Variants in PACS1 observed in about 807,000 individuals in gnomAD.
The protein encoded by PACS1 is phosphofurin acidic cluster sorting protein 1.
Under a neutral mutation model 115.0 loss-of-function variants are expected in PACS1, and 24 were observed. That is an observed-to-expected ratio of 0.21 (90% confidence interval 0.15 to 0.29). The LOEUF (loss-of-function observed/expected upper bound fraction) is 0.29, where lower values mean the gene tolerates loss of function less well. PACS1 is among the 10% of genes least tolerant of loss of function. PACS1 has a pLI of 1.00. For synonymous variants in PACS1, 453 were observed against 504.5 expected (o/e 0.90, Z 1.37); for missense variants, 838 against 1,251.2 (o/e 0.67, Z 4.98).
intron 21 of PACS1, among the ~76,000 whole-genome samples, chr11:66,240,753 C>T (rs1855795261): frequency 6.6e-6 from 1 of 152,052 alleles, no homozygotes; most frequent in Non-Finnish European, 1.5e-5. Context: ...CCAACCCTTT[C>T]CTCTACCTCC....
At chr11:66,131,071 CA>C (rs886351676) in intron 1 of PACS1, among the ~76,000 whole-genome samples, 17 of 149,940 alleles carry the variant, frequency 1.1e-4, no homozygotes, top group African/African-American at 3.9e-4. Context: ...GAGACTGTCT[CA>C]AAAAAAAAGA....
intron 1 of PACS1, among the ~76,000 whole-genome samples, chr11:66,150,871 C>T (rs1322280816): frequency 6.6e-6 from 1 of 152,110 alleles, no homozygotes; most frequent in African/African-American, 2.4e-5. Flanking sequence ...ATAGAAGGAG[C>T]AAGAATTGCA....
In PACS1 at chr11:66,193,436, T is replaced by G. The variant is rs1020350268; in HGVS notation, c.357-50T>G. 3.1e-6 allele frequency: 4 copies of G among 1,296,818 alleles called. No homozygotes were observed. In the African/African-American group the frequency reaches 5.8e-5, roughly 19 times the overall value. 80.3% of individuals were successfully genotyped at this position (1,296,818 alleles called of 1,614,324 possible). On this transcript the variant is annotated intron_variant, in intron 1 of 23. Coordinates refer to ENST00000320580, the MANE Select transcript of PACS1 (RefSeq NM_018026.4). The stretch of plus-strand genomic sequence containing the variant: ...TGCCTAACCAATTGTTCATCACTTT[T>G]CTCGCAAGTTCCTCGCATATGACAG...
At position 66,212,266 on chromosome 11, in the gene PACS1, G is replaced by A. The variant is rs191704030; in HGVS notation, c.660+1007G>A. 2.9e-3 allele frequency among the ~76,000 whole-genome samples: 437 copies of A among 151,614 alleles called. 6 individuals are homozygous for A. The highest frequency in any genetic ancestry group is 0.028 in the South Asian group (133 of 4,778). Reference sequence around the variant, plus strand: ...CCTACCTTAGCCTCCTGAGTAGCTGGGACTACAGGCGTGCACCACCATGCC... The same window carrying A: ...CCTACCTTAGCCTCCTGAGTAGCTGAGACTACAGGCGTGCACCACCATGCC... On this transcript the variant is annotated intron_variant, in intron 4 of 23. Coordinates refer to ENST00000320580, the MANE Select transcript of PACS1 (RefSeq NM_018026.4).
In PACS1 at chr11:66,243,159, C is replaced by G; in HGVS notation, c.2777-6C>G. The G allele has an allele frequency of 6.2e-7, 1 of 1,613,060 alleles. No homozygotes were observed. Among genetic ancestry groups the G allele is most frequent in the Non-Finnish European group, 8.5e-7 (1 of 1,179,304 alleles). The stretch of plus-strand genomic sequence containing the variant: ...CTGGTCACCCCTCCTCTCCTGTCAC[C>G]CCTAGTGTCCATCGATGGGGTCGAG... On this transcript the variant is annotated splice_region_variant and splice_polypyrimidine_tract_variant and intron_variant, in intron 23 of 23. Coordinates refer to ENST00000320580, the MANE Select transcript of PACS1 (RefSeq NM_018026.4).
chr11:66,106,827 T>C (rs1172301312), intron 1 of PACS1, among the ~76,000 whole-genome samples: 1 of 152,196 alleles, frequency 6.6e-6, no homozygotes, highest in African/African-American at 2.4e-5. Context: ...ACTGGTTCTT[T>C]ATACCTTTCC....
chr11:66,207,653 C>G (rs1265246518), intron 2 of PACS1, among the ~76,000 whole-genome samples: 2 of 152,316 alleles, frequency 1.3e-5, no homozygotes, highest in East Asian at 1.9e-4. Flanking sequence ...AGGCCCTGGC[C>G]TGTGTGCGGG....
rs1438259281 is a variant in PACS1, at chr11:66,235,172, G to A, written c.2105-129G>A. ...ATGATTCCTTCAAACCAGAAGGACCGTAGAGCCCCATCCTTCACTCAACTC... is the reference window on the plus strand; with the variant it reads ...ATGATTCCTTCAAACCAGAAGGACCATAGAGCCCCATCCTTCACTCAACTC... On this transcript the variant is annotated intron_variant, in intron 17 of 23. Coordinates refer to ENST00000320580, the MANE Select transcript of PACS1 (RefSeq NM_018026.4). The surrounding 1 kb of genome is among the most constrained non-coding windows in gnomAD (Gnocchi z 5.6). The A allele has an allele frequency of 4.4e-5, 29 of 657,024 alleles. No individual in the cohort carries two copies. Among genetic ancestry groups the A allele is most frequent in the East Asian group, 2.5e-4 (9 of 36,714 alleles). 40.7% of individuals were successfully genotyped at this position (657,024 alleles called of 1,614,324 possible).
rs369808204 is a variant in PACS1, at chr11:66,141,790, T to C, written c.357-51696T>C. Among the ~76,000 whole-genome samples, 109 of 152,060 alleles carry C rather than the reference T, an allele frequency of 7.2e-4. No homozygotes were observed. In the South Asian group the frequency reaches 0.019, roughly 26 times the overall value. On this transcript the variant is annotated intron_variant, in intron 1 of 23. Transcript: ENST00000320580. The stretch of plus-strand genomic sequence containing the variant: ...TATTTTTTGTTGTTTTTTGTAGAGA[T>C]GCAGTTGTTTTTTGTTTGTTTTGTT...
chr11:66,133,271 G>T (rs1328692981), intron 1 of PACS1, among the ~76,000 whole-genome samples: 1 of 152,146 alleles, frequency 6.6e-6, no homozygotes, highest in African/African-American at 2.4e-5. Flanking sequence ...ATTCATTAAA[G>T]ACTCTCACCT....
intron 1 of PACS1, among the ~76,000 whole-genome samples, chr11:66,128,509 G>A (rs1858629354): frequency 6.6e-6 from 1 of 152,126 alleles, no homozygotes; most frequent in Admixed American, 6.5e-5. Context: ...CGTTGAAGCT[G>A]GGTGTTGGGC....
At chr11:66,166,029 T>A (rs1859592556) in intron 1 of PACS1, among the ~76,000 whole-genome samples, 1 of 152,192 alleles carries the variant, frequency 6.6e-6, no homozygotes, top group South Asian at 2.1e-4. Flanking sequence ...CTTGCACAAA[T>A]CATTTTCTAT....
At position 66,236,300 on chromosome 11, in the gene PACS1, A is replaced by C. The variant is rs539229239; in HGVS notation, c.2250+360A>C. Among the ~76,000 whole-genome samples, 3 of 152,310 alleles carry C rather than the reference A, an allele frequency of 2.0e-5. No individual in the cohort carries two copies. In the East Asian group the frequency reaches 5.8e-4, roughly 29 times the overall value. The stretch of plus-strand genomic sequence containing the variant: ...CAAATCACGAACTGTTCCTGGGTCC[A>C]TCACTGATGTCTCCTGTTTATTACA... On this transcript the variant is annotated intron_variant, in intron 19 of 23. Transcript: ENST00000320580. This position sits in a 1 kb window ranked among gnomAD's most constrained non-coding sequence, Gnocchi z 4.2.
chr11:66,161,129 T>C (rs1398163504), intron 1 of PACS1, among the ~76,000 whole-genome samples: 2 of 152,206 alleles, frequency 1.3e-5, no homozygotes, highest in Non-Finnish European at 2.9e-5. Flanking sequence ...GTTGTTGTTA[T>C]TCTGTGTGTA....
intron 1 of PACS1, among the ~76,000 whole-genome samples, chr11:66,114,115 T>C (rs1565111795): frequency 6.6e-6 from 1 of 151,658 alleles, no homozygotes; most frequent in Admixed American, 6.6e-5. Flanking sequence ...TGTTTTTTTT[T>C]CACATAAAAA....
intron 20 of PACS1, 122 bp downstream of exon 20, chr11:66,238,968 A>T: frequency 7.4e-7 from 1 of 1,349,254 alleles, no homozygotes; most frequent in Non-Finnish European, 1.0e-6. Flanking sequence ...TTGAGCAGGA[A>T]GCCTATGGGC....
intron 1 of PACS1, among the ~76,000 whole-genome samples, chr11:66,161,094 A>G (rs1437158310): frequency 6.6e-6 from 1 of 152,206 alleles, no homozygotes; most frequent in Non-Finnish European, 1.5e-5. Context: ...TAGGCGAGGC[A>G]GAGGTAAGTG....
chr11:66,243,496 C>G lies in PACS1; in HGVS notation c.*216C>G, dbSNP rs1590845938. 2.6e-5 allele frequency: 15 copies of G among 570,104 alleles called. No individual in the cohort carries two copies. In the East Asian group the frequency reaches 4.4e-4, roughly 17 times the overall value. 35.3% of individuals were successfully genotyped at this position (570,104 alleles called of 1,614,324 possible). A position where few individuals can be genotyped will look rare whatever the true frequency, so the allele number is the denominator to read the frequency against. ...ACAGCCCCTCCTCCTTCCCGCTTTT[C>G]CCCTTCTCCCTCCTGCTCCAGGCCC... On this transcript the variant is annotated 3_prime_UTR_variant, in exon 24 of 24. Coordinates refer to ENST00000320580, the MANE Select transcript of PACS1 (RefSeq NM_018026.4).
At chr11:66,099,377 C>G (rs1237010989) in intron 1 of PACS1, among the ~76,000 whole-genome samples, 2 of 152,040 alleles carry the variant, frequency 1.3e-5, no homozygotes, top group African/African-American at 2.4e-5. Context: ...GCGCCCACCA[C>G]CACACTCGGC....
Sources: allele counts gnomAD v4.1 joint callset (sites outside exome capture counted in the v4.1 genomes callset), GRCh38; gene constraint gnomAD v4.1.1; non-coding constraint Gnocchi (gnomAD v3.1); transcripts MANE v1.5; gene names NCBI Gene and HGNC (gene_info 2026-07-23, HGNC 2026-07-21).